The following CSMD1 variants were observed in gnomAD, a reference collection of about 807,000 sequenced individuals.
CSMD1 encodes the protein CUB and sushi domain-containing protein 1.
CSMD1 carries 213 observed loss-of-function variants against 417.5 expected under a neutral mutation model. That is an observed-to-expected ratio of 0.51 (90% CI 0.46 to 0.57). The LOEUF is 0.57. Among genes scored for constraint, CSMD1 ranks in the 20% least tolerant of loss-of-function variants. The pLI, the probability that CSMD1 is intolerant of heterozygous loss-of-function variation, is 0.00. For synonymous variants in CSMD1, 2,862 were observed against 1,736.8 expected, an observed-to-expected ratio of 1.65 and a Z score of -16.11; for missense variants, 6,923 against 4,529.7, an observed-to-expected ratio of 1.53 and a Z score of -15.17.
At chr8:4,432,385 C>CACTA (rs1393065408) in intron 2 of CSMD1, among the ~76,000 whole-genome samples, 1 of 152,094 alleles carries the variant, frequency 6.6e-6, no homozygotes, top group African/African-American at 2.4e-5. Context: ...GATTAACCTA[C>CACTA]ACTAAGGCAG....
At chr8:4,804,382 T>C (rs115000034) in intron 1 of CSMD1, among the ~76,000 whole-genome samples, 1,700 of 152,236 alleles carry the variant, frequency 0.011, 28 homozygotes, top group African/African-American at 0.038. Flanking sequence ...GATGCAGGTA[T>C]TTTAAGACGC....
intron 41 of CSMD1, among the ~76,000 whole-genome samples, chr8:3,123,200 C>CA (rs1400616636): frequency 6.6e-6 from 1 of 152,198 alleles, no homozygotes; most frequent in Non-Finnish European, 1.5e-5. Context: ...CTGACACACA[C>CA]ACCCCTCATC....
chr8:3,129,332 G>C (rs1030287657), intron 41 of CSMD1, among the ~76,000 whole-genome samples: 2 of 152,190 alleles, frequency 1.3e-5, no homozygotes, highest in African/African-American at 4.8e-5. Context: ...CTGTGCTCTA[G>C]ATGATTCCTA....
Position 4,943,873 on chromosome 8 carries a change from G to T in CSMD1, c.85+50459C>A, listed in dbSNP as rs372660032. Among the ~76,000 whole-genome samples, 4 of 152,312 alleles carry T rather than the reference G, an allele frequency of 2.6e-5. 1 individual carries two copies. The highest frequency in any genetic ancestry group is 9.6e-5 in the African/African-American group (4 of 41,576). On this transcript the variant is annotated intron_variant, in intron 1 of 69. Coordinates refer to ENST00000635120, the MANE Select transcript of CSMD1 (RefSeq NM_033225.6). ...AAGATAGAGCCATAAATAAGTGTAAGAGCCCAAAACGCTTAAAGGTACGCA... is the reference window on the plus strand; with the variant it reads ...AAGATAGAGCCATAAATAAGTGTAATAGCCCAAAACGCTTAAAGGTACGCA...
intron 46 of CSMD1, among the ~76,000 whole-genome samples, chr8:3,104,692 G>T (rs1374992512): frequency 1.5e-5 from 2 of 135,566 alleles, no homozygotes; most frequent in African/African-American, 5.5e-5. Flanking sequence ...AAAGTTATCA[G>T]ACTTTTTTTT....
chr8:3,596,786 A>G (rs1422372089), intron 8 of CSMD1, among the ~76,000 whole-genome samples: 1 of 104,022 alleles, frequency 9.6e-6, no homozygotes, highest in African/African-American at 4.5e-5. Flanking sequence ...AAACACACAC[A>G]CTCACACACA....
intron 25 of CSMD1, among the ~76,000 whole-genome samples, chr8:3,288,198 G>T (rs1056509956): frequency 1.4e-5 from 2 of 147,194 alleles, no homozygotes. Context: ...TGCTGGATTT[G>T]GTTTGCCAGT....
intron 26 of CSMD1, among the ~76,000 whole-genome samples, chr8:3,242,162 C>A (rs1237107190): frequency 1.3e-5 from 2 of 151,762 alleles, no homozygotes; most frequent in African/African-American, 4.8e-5. Flanking sequence ...AATTGCTGGG[C>A]AGGTGGGGGA....
chr8:3,768,346 T>G (rs551687659), intron 5 of CSMD1, among the ~76,000 whole-genome samples: 1 of 152,354 alleles, frequency 6.6e-6, no homozygotes, highest in Non-Finnish European at 1.5e-5. Context: ...AAGCTCATCT[T>G]CAATATGATT....
intron 1 of CSMD1, among the ~76,000 whole-genome samples, chr8:4,976,401 G>A (rs1459288848): frequency 1.3e-5 from 2 of 151,986 alleles, no homozygotes; most frequent in Non-Finnish European, 2.9e-5. Flanking sequence ...ATTAATGAAG[G>A]CATTTTAATG....
At chr8:4,650,446 T>G (rs1257596641) in intron 1 of CSMD1, among the ~76,000 whole-genome samples, 1 of 152,204 alleles carries the variant, frequency 6.6e-6, no homozygotes, top group Admixed American at 6.5e-5. Flanking sequence ...TACATCCATT[T>G]GTATGGCCTT....
At chr8:4,074,502 T>C (rs1284959141) in intron 3 of CSMD1, among the ~76,000 whole-genome samples, 1 of 152,142 alleles carries the variant, frequency 6.6e-6, no homozygotes, top group East Asian at 1.9e-4. Flanking sequence ...TAAAGTTTGA[T>C]ACTTTACAAA....
intron 1 of CSMD1, among the ~76,000 whole-genome samples, chr8:4,910,770 G>C (rs936059832): frequency 1.3e-5 from 2 of 152,116 alleles, no homozygotes; most frequent in Non-Finnish European, 2.9e-5. Context: ...ACCCCAACAA[G>C]GACCTTATAA....
intron 1 of CSMD1, among the ~76,000 whole-genome samples, chr8:4,797,554 A>C (rs1585115269): frequency 6.6e-6 from 1 of 152,210 alleles, no homozygotes; most frequent in South Asian, 2.1e-4. Flanking sequence ...ACCTAATAGC[A>C]AAAATAAGTA....
At chr8:3,854,307 G>C (rs984896520) in intron 5 of CSMD1, among the ~76,000 whole-genome samples, 6 of 151,646 alleles carry the variant, frequency 4.0e-5, no homozygotes, top group Admixed American at 3.3e-4. Flanking sequence ...TTTTAGTAGT[G>C]TGCACTGCCC....
intron 1 of CSMD1, among the ~76,000 whole-genome samples, chr8:4,772,822 C>T (rs1428437035): frequency 2.6e-5 from 4 of 152,116 alleles, no homozygotes; most frequent in African/African-American, 9.7e-5. Flanking sequence ...ACTAACATTT[C>T]CTAAGTTTGA....
At chr8:3,429,953 T>C (rs1357705710) in intron 12 of CSMD1, among the ~76,000 whole-genome samples, 1 of 152,186 alleles carries the variant, frequency 6.6e-6, no homozygotes, top group African/African-American at 2.4e-5. Context: ...TCTCGATATG[T>C]ATTAATCGAT....
At chr8:4,512,193 C>T (rs1446448727) in intron 2 of CSMD1, among the ~76,000 whole-genome samples, 2 of 152,120 alleles carry the variant, frequency 1.3e-5, no homozygotes, top group Non-Finnish European at 2.9e-5. Flanking sequence ...CACATGATCA[C>T]ATCAACACAT....
chr8:3,770,114 C>T (rs1798490179), intron 5 of CSMD1, among the ~76,000 whole-genome samples: 1 of 152,206 alleles, frequency 6.6e-6, no homozygotes, highest in Non-Finnish European at 1.5e-5. Flanking sequence ...GCGATTGGCA[C>T]AGCTGTCTCC....
Sources: allele counts gnomAD v4.1 joint callset (sites outside exome capture counted in the v4.1 genomes callset), GRCh38; gene constraint gnomAD v4.1.1; transcripts MANE v1.5; gene names NCBI Gene and HGNC (gene_info 2026-07-23, HGNC 2026-07-21).